The following INSYN2B variants were observed in gnomAD, a reference collection of about 807,000 sequenced individuals.
INSYN2B encodes the protein inhibitory synaptic factor family member 2B.
Under a neutral mutation model 41.2 loss-of-function variants are expected in INSYN2B, and 16 were observed. The observed-to-expected ratio is 0.39, with a 90% CI of 0.26 to 0.59. INSYN2B has a LOEUF of 0.59. Among genes scored for constraint, INSYN2B ranks in the 20% least tolerant of loss-of-function variants. The pLI, the probability that INSYN2B is intolerant of heterozygous loss-of-function variation, is 0.57. For synonymous variants in INSYN2B, 245 were observed against 244.4 expected (o/e 1.00, Z -0.02); for missense variants, 608 against 646.4 (o/e 0.94, Z 0.64).
intron 3 of INSYN2B, among the ~76,000 whole-genome samples, chr5:169,876,585 G>A (rs1261322936): frequency 6.6e-6 from 1 of 152,208 alleles, no homozygotes; most frequent in Non-Finnish European, 1.5e-5. Context: ...TGAAAGTGCA[G>A]CAAGCTCTCT....
At chr5:169,943,035 G>A (rs904207885) in intron 1 of INSYN2B, among the ~76,000 whole-genome samples, 1 of 152,210 alleles carries the variant, frequency 6.6e-6, no homozygotes, top group Non-Finnish European at 1.5e-5. Context: ...AATAAGTATA[G>A]GAATGTGTTG....
chr5:169,927,773 C>T (rs186602450), intron 1 of INSYN2B, among the ~76,000 whole-genome samples: 31 of 152,260 alleles, frequency 2.0e-4, no homozygotes, highest in African/African-American at 5.8e-4. Context: ...CCCGCCACCA[C>T]GCCTGGCTAA....
intron 1 of INSYN2B, among the ~76,000 whole-genome samples, chr5:169,921,154 C>T (rs1775153401): frequency 1.3e-5 from 2 of 152,104 alleles, no homozygotes; most frequent in Non-Finnish European, 2.9e-5. Flanking sequence ...CAATGTTAGC[C>T]TGGAAAAGTG....
At chr5:169,870,327 T>TGCTGCTTCTA (rs1196093887) in intron 3 of INSYN2B, among the ~76,000 whole-genome samples, 2 of 152,084 alleles carry the variant, frequency 1.3e-5, no homozygotes, top group Non-Finnish European at 2.9e-5. Context: ...TCTAGGTAAT[T>TGCTGCTTCTA]GGAAGCAGCA....
At chr5:169,881,502 A>G (rs1772644881) in intron 2 of INSYN2B, 60 bp from the exon 3 acceptor site, 1 of 1,334,504 alleles carries the variant, frequency 7.5e-7, no homozygotes, top group Non-Finnish European at 1.1e-6. Context: ...GGCCACAAAC[A>G]TTCAACCTAC....
chr5:169,939,945 T>C (rs1776166507), intron 1 of INSYN2B, among the ~76,000 whole-genome samples: 1 of 152,168 alleles, frequency 6.6e-6, no homozygotes, highest in African/African-American at 2.4e-5. Flanking sequence ...TTCTGAGTGT[T>C]TAAGTGTCTT....
chr5:169,869,621 A>C (rs1028957280), intron 3 of INSYN2B, among the ~76,000 whole-genome samples: 14 of 152,172 alleles, frequency 9.2e-5, no homozygotes, highest in African/African-American at 2.7e-4. Context: ...CTGGGTAGAA[A>C]AGAGAAGATG....
In INSYN2B at chr5:169,863,205, CTA is replaced by C. The variant is rs1336965887; in HGVS notation, c.*1066_*1067del. On this transcript the variant is annotated 3_prime_UTR_variant, in exon 4 of 4. Coordinates refer to ENST00000377365, the MANE Select transcript of INSYN2B (RefSeq NM_001129891.3). ...ATATTTAAACCTCAAATAGAAAAAACTATATCCTCATCCATAGTCCTGCTAGT... is the reference window on the plus strand; with the variant it reads ...ATATTTAAACCTCAAATAGAAAAAACTATCCTCATCCATAGTCCTGCTAGT... 1.3e-5 allele frequency among the ~76,000 whole-genome samples: 2 copies of C among 152,166 alleles called. No individual in the cohort carries two copies. Among genetic ancestry groups the C allele is most frequent in the African/African-American group, 2.4e-5 (1 of 41,432 alleles).
rs2113512670 is a variant in INSYN2B, at chr5:169,883,933, TCTC to T, written c.-38_-36del. The T allele has an allele frequency of 2.8e-6, 4 of 1,450,384 alleles. No homozygotes were observed. Among genetic ancestry groups the T allele is most frequent in the Non-Finnish European group, 3.6e-6 (4 of 1,098,140 alleles). The allele number at this position is 1,450,384 out of a possible 1,614,324, so 89.8% of individuals were successfully genotyped here. A position where few individuals can be genotyped will look rare whatever the true frequency, so the allele number is the denominator to read the frequency against. On this transcript the variant is annotated 5_prime_UTR_variant, in exon 2 of 4. Transcript: ENST00000377365. ...GTGGGAAGGATCAGGACCATACACTTCTCCTAGGCACATCTCCCCTTAGGTCTT... is the reference window on the plus strand; with the variant it reads ...GTGGGAAGGATCAGGACCATACACTTCTAGGCACATCTCCCCTTAGGTCTT...
Position 169,882,637 on chromosome 5 carries a change from T to G in INSYN2B, c.1262A>C (p.Glu421Ala), listed in dbSNP as rs183059388. Reference sequence around the variant, plus strand: ...TTTCTCTTGGTTCGAGTGCAGAGATTCCTCCACAGATTGCAGTCGGCCTTG... The same window carrying G: ...TTTCTCTTGGTTCGAGTGCAGAGATGCCTCCACAGATTGCAGTCGGCCTTG... ...DLQGRLQSVEESLHSNQEKIK... is the reference protein window; with the variant it reads ...DLQGRLQSVEASLHSNQEKIK... The change falls in exon 2 of 4, where the codon GAA becomes GCA. Residue 421 changes from glutamate (E) to alanine (A), a missense_variant. Coordinates refer to ENST00000377365, the MANE Select transcript of INSYN2B (RefSeq NM_001129891.3). 143 of 1,551,960 alleles carry G rather than the reference T, an allele frequency of 9.2e-5. No homozygotes were observed. The African/African-American group carries it at 1.8e-3, about 20-fold the overall frequency.
At chr5:169,978,388 TGTGTGG>T (rs1777798944) in intron 1 of INSYN2B, among the ~76,000 whole-genome samples, 3 of 15,590 alleles carry the variant, frequency 1.9e-4, no homozygotes, top group Non-Finnish European at 2.7e-4. Context: ...TGTGTGTGTG[TGTGTGG>T]GGGGGGGGGG....
In INSYN2B at chr5:169,894,458, C is replaced by T. The variant is rs563133945; in HGVS notation, c.-918-9642G>A. On this transcript the variant is annotated intron_variant, in intron 1 of 3. Transcript: ENST00000377365. Reference sequence around the variant, plus strand: ...CTGTTGGGCCCTGGACTCTGCAGTGCGCCATCCACCCTGGTACAGCAAAGC... The same window carrying T: ...CTGTTGGGCCCTGGACTCTGCAGTGTGCCATCCACCCTGGTACAGCAAAGC... Among the ~76,000 whole-genome samples, 20 of 152,280 alleles carry T rather than the reference C, an allele frequency of 1.3e-4. No individual in the cohort carries two copies. The South Asian group carries it at 1.7e-3, about 13-fold the overall frequency.
chr5:169,961,208 G>A (rs1015869832), intron 1 of INSYN2B, among the ~76,000 whole-genome samples: 1 of 152,170 alleles, frequency 6.6e-6, no homozygotes, highest in Non-Finnish European at 1.5e-5. Flanking sequence ...CCCCCCAAGG[G>A]CAATTAATGG....
At chr5:169,923,147 G>A (rs1450545484) in intron 1 of INSYN2B, among the ~76,000 whole-genome samples, 4 of 152,288 alleles carry the variant, frequency 2.6e-5, no homozygotes, top group African/African-American at 9.6e-5. Context: ...TCACCTCTGT[G>A]CTGGGTTCCT....
At chr5:169,914,024 A>G (rs2113628983) in intron 1 of INSYN2B, among the ~76,000 whole-genome samples, 1 of 152,316 alleles carries the variant, frequency 6.6e-6, no homozygotes, top group African/African-American at 2.4e-5. Flanking sequence ...ACTTTGATGG[A>G]CACCCAAAGA....
chr5:169,932,386 G>A (rs948777802), intron 1 of INSYN2B, among the ~76,000 whole-genome samples: 1 of 152,170 alleles, frequency 6.6e-6, no homozygotes, highest in Non-Finnish European at 1.5e-5. Context: ...AGGGGAAAAG[G>A]CAGGTAGGTG....
chr5:169,933,203 T>C (rs1775837261), intron 1 of INSYN2B, among the ~76,000 whole-genome samples: 1 of 152,206 alleles, frequency 6.6e-6, no homozygotes, highest in Non-Finnish European at 1.5e-5. Context: ...ATGAATGATA[T>C]GTCACCATGG....
chr5:169,879,592 AG>A (rs1482604298), intron 3 of INSYN2B, among the ~76,000 whole-genome samples: 2 of 152,220 alleles, frequency 1.3e-5, no homozygotes, highest in Non-Finnish European at 1.5e-5. Flanking sequence ...TAACCCAACC[AG>A]GGGTGTAACT....
intron 1 of INSYN2B, among the ~76,000 whole-genome samples, chr5:169,945,296 C>G (rs1776401454): frequency 6.6e-6 from 1 of 152,224 alleles, no homozygotes; most frequent in South Asian, 2.1e-4. Context: ...CAGGCATATA[C>G]CGAGTGGTAG....
Sources: gnomAD v4.1 joint callset for allele counts (sites outside exome capture counted in the v4.1 genomes callset) on GRCh38, gnomAD v4.1.1 for gene constraint, MANE v1.5 for transcripts, NCBI Gene and HGNC (gene_info 2026-07-23, HGNC 2026-07-21) for gene names.